The following PPP6C variants were observed in gnomAD, a reference collection of about 807,000 sequenced individuals.
The protein encoded by PPP6C is serine/threonine-protein phosphatase 6 catalytic subunit.
A neutral mutation model predicts 39.8 loss-of-function variants in PPP6C; 11 were observed. The observed-to-expected ratio is 0.28, with a 90% confidence interval of 0.17 to 0.46. The LOEUF is 0.46. PPP6C is among the 20% of genes least tolerant of loss of function. The pLI is 1.00. For synonymous variants in PPP6C, 129 were observed against 130.3 expected (o/e 0.99, Z 0.07); for missense variants, 211 against 373.9 (o/e 0.56, Z 3.59).
At chr9:125,180,864 T>G (rs1829407105) in intron 1 of PPP6C, among the ~76,000 whole-genome samples, 1 of 152,174 alleles carries the variant, frequency 6.6e-6, no homozygotes, top group South Asian at 2.1e-4. Flanking sequence ...GACTATAAAC[T>G]GAAGAACATC....
At chr9:125,157,591 C>A (rs1401014344) in intron 4 of PPP6C, among the ~76,000 whole-genome samples, 2 of 151,976 alleles carry the variant, frequency 1.3e-5, no homozygotes, top group Admixed American at 1.3e-4. Flanking sequence ...AATGGACTCT[C>A]AAATTTGTGC....
intron 3 of PPP6C, 82 bp from the exon 4 acceptor site, chr9:125,158,464 T>G: frequency 7.4e-7 from 1 of 1,355,084 alleles, no homozygotes; most frequent in South Asian, 1.5e-5. Context: ...TACAAACATA[T>G]AGTTTATAAC....
At chr9:125,153,408 T>G in intron 6 of PPP6C, 125 bp downstream of exon 6, 1 of 881,030 alleles carries the variant, frequency 1.1e-6, no homozygotes, top group East Asian at 2.7e-5. Flanking sequence ...AACTAGAAAT[T>G]TAATATCCAC....
At chr9:125,173,937 G>T (rs1048262451) in intron 1 of PPP6C, among the ~76,000 whole-genome samples, 8 of 152,128 alleles carry the variant, frequency 5.3e-5, no homozygotes, top group Admixed American at 2.0e-4. Context: ...TTTGTTAAAG[G>T]AACTCTAAAT....
intron 4 of PPP6C, among the ~76,000 whole-genome samples, chr9:125,157,317 C>G (rs1315173303): frequency 6.6e-6 from 1 of 151,942 alleles, no homozygotes; most frequent in Non-Finnish European, 1.5e-5. Context: ...GCTTCTGATC[C>G]CTGAGGTCCT....
chr9:125,154,903 T>C (rs1836031391), intron 4 of PPP6C, among the ~76,000 whole-genome samples: 1 of 152,202 alleles, frequency 6.6e-6, no homozygotes, highest in Admixed American at 6.5e-5. Context: ...ACGTAGTTTT[T>C]TGTTTTTGAG....
intron 1 of PPP6C, among the ~76,000 whole-genome samples, chr9:125,177,765 T>A (rs1353238726): frequency 1.3e-5 from 2 of 152,206 alleles, no homozygotes; most frequent in African/African-American, 4.8e-5. Context: ...TAATGACATG[T>A]ACCTACCATT....
intron 2 of PPP6C, among the ~76,000 whole-genome samples, chr9:125,165,406 A>T (rs1156654792): frequency 6.6e-6 from 1 of 151,798 alleles, no homozygotes; most frequent in Non-Finnish European, 1.5e-5. Flanking sequence ...TCTCAAAAAA[A>T]CAAATCAATA....
At chr9:125,156,050 T>C (rs1379795440) in intron 4 of PPP6C, among the ~76,000 whole-genome samples, 1 of 152,164 alleles carries the variant, frequency 6.6e-6, no homozygotes, top group Non-Finnish European at 1.5e-5. Flanking sequence ...ACTGAGCTAA[T>C]ATCATAGTAT....
intron 1 of PPP6C, chr9:125,171,866 T>G (rs1261531113): frequency 6.5e-6 from 3 of 458,656 alleles, no homozygotes; most frequent in South Asian, 4.7e-5. Context: ...TAAAAGATTT[T>G]TATCTGGTAA....
chr9:125,154,229 T>C (rs1379300799), intron 4 of PPP6C, among the ~76,000 whole-genome samples: 6 of 152,248 alleles, frequency 3.9e-5, no homozygotes, highest in African/African-American at 1.4e-4. Flanking sequence ...TGTTAGGTGA[T>C]TTCATCGTTG....
Position 125,149,483 on chromosome 9 carries a change from G to T in PPP6C, c.*190C>A. The T allele has an allele frequency of 1.5e-6, 1 of 662,740 alleles. No homozygotes were observed. The allele number at this position is 662,740 out of a possible 1,614,324, so 41.1% of individuals were successfully genotyped here. A position where few individuals can be genotyped will look rare whatever the true frequency, so the allele number is the denominator to read the frequency against. ...GGTGGGGATGGGATGGGGGAAAATT[G>T]ATAGAAAAACTTTGCTATAGACACC... On this transcript the variant is annotated 3_prime_UTR_variant, in exon 7 of 7. Coordinates refer to ENST00000373547, the MANE Select transcript of PPP6C (RefSeq NM_002721.5).
At chr9:125,186,305 T>C (rs1829529043) in intron 1 of PPP6C, among the ~76,000 whole-genome samples, 1 of 152,038 alleles carries the variant, frequency 6.6e-6, no homozygotes, top group South Asian at 2.1e-4. Context: ...AAAATTAAAT[T>C]TCTTTAAATA....
intron 1 of PPP6C, among the ~76,000 whole-genome samples, chr9:125,174,074 G>C (rs1829241189): frequency 6.6e-6 from 1 of 152,184 alleles, no homozygotes; most frequent in Non-Finnish European, 1.5e-5. Flanking sequence ...CAGGGAACTG[G>C]AGGTCTCAGG....
intron 2 of PPP6C, among the ~76,000 whole-genome samples, chr9:125,167,716 T>A (rs12000887): frequency 0.01 from 1,390 of 136,898 alleles, 12 homozygotes; most frequent in African/African-American, 0.035. Flanking sequence ...AAAAAAAAAA[T>A]TTTTTTTTTT....
intron 1 of PPP6C, among the ~76,000 whole-genome samples, chr9:125,173,785 T>C (rs1829232927): frequency 6.6e-6 from 1 of 151,896 alleles, no homozygotes. Context: ...ACCCAGCTCA[T>C]TTTTGGATTT....
chr9:125,168,863 C>T (rs569150480), intron 2 of PPP6C, among the ~76,000 whole-genome samples: 155 of 152,022 alleles, frequency 1.0e-3, no homozygotes, highest in Non-Finnish European at 1.6e-3. Context: ...CGGGTTCTAG[C>T]GATTCTCCTG....
chr9:125,171,458 T>TACACACAC (rs1192828575), intron 1 of PPP6C, among the ~76,000 whole-genome samples: 4 of 32,304 alleles, frequency 1.2e-4, no homozygotes, highest in African/African-American at 4.4e-4. Flanking sequence ...CACACACACA[T>TACACACAC]ATACACACAC....
At chr9:125,165,873 T>G (rs529509620) in intron 2 of PPP6C, among the ~76,000 whole-genome samples, 44 of 145,496 alleles carry the variant, frequency 3.0e-4, no homozygotes, top group Non-Finnish European at 6.0e-4. Context: ...CTCAGCTCAG[T>G]GCAACCTCCA....
Sources: allele counts gnomAD v4.1 joint callset (sites outside exome capture counted in the v4.1 genomes callset), GRCh38; gene constraint gnomAD v4.1.1; transcripts MANE v1.5; gene names NCBI Gene and HGNC (gene_info 2026-07-23, HGNC 2026-07-21).